Variants in DMD observed in about 807,000 individuals in gnomAD.
The protein encoded by DMD is mutant dystrophin.
DMD carries 63 observed loss-of-function variants against 330.1 expected under a neutral mutation model. The ratio of observed to expected loss-of-function variants is 0.19; its 90% CI spans 0.16 to 0.24. DMD has a LOEUF of 0.24. DMD is among the 10% of genes least tolerant of loss of function. The pLI is 1.00. For synonymous variants in DMD, 1,223 were observed against 959.8 expected (o/e 1.27, Z -5.07); for missense variants, 3,344 against 2,684.1 (o/e 1.25, Z -5.43).
chrX:33,034,445 T>A (rs950705070), intron 1 of DMD, among the ~76,000 whole-genome samples: 3 of 111,775 alleles, frequency 2.7e-5, no homozygotes, highest in Non-Finnish European at 3.8e-5. Context: ...TTTCCTCACC[T>A]GTAGAATAAT....
Position 32,216,928 on chromosome X carries a change from T to C in DMD, c.6426A>G (p.Lys2142=), listed in dbSNP as rs764358532. The change falls in exon 44 of 79, where the codon AAA becomes AAG. Residue 2142 remains lysine (K), a synonymous_variant. Transcript: ENST00000357033. ...IPENWEHAKY[K]WYLKELQDGI... Reference sequence around the variant, plus strand: ...ATCAAAGACTTACCTTAAGATACCATTTGTATTTAGCATGTTCCCAATTCT... The same window carrying C: ...ATCAAAGACTTACCTTAAGATACCACTTGTATTTAGCATGTTCCCAATTCT... 4.1e-6 allele frequency: 5 copies of C among 1,207,114 alleles called. No individual in the cohort carries two copies. The highest frequency in any genetic ancestry group is 2.2e-5 in the Admixed American group (1 of 45,557).
At chrX:31,269,715 A>C (rs2051469616) in intron 62 of DMD, among the ~76,000 whole-genome samples, 1 of 112,122 alleles carries the variant, frequency 8.9e-6, no homozygotes, top group Non-Finnish European at 1.9e-5. Flanking sequence ...AAAGAAGGCG[A>C]CCCAGTACAT....
intron 44 of DMD, among the ~76,000 whole-genome samples, chrX:32,201,471 C>CT (rs1252526467): frequency 3.3e-3 from 99 of 29,996 alleles, no homozygotes; most frequent in Admixed American, 4.8e-3. Flanking sequence ...ATTCAAACAC[C>CT]CCCCCCCCCC....
chrX:32,870,958 C>CAAAAA (rs745583714), intron 2 of DMD, among the ~76,000 whole-genome samples: 17 of 14,752 alleles, frequency 1.2e-3, no homozygotes, highest in African/African-American at 2.0e-3. Flanking sequence ...TTCTGTACAG[C>CAAAAA]AAAAAAAAAA....
intron 43 of DMD, among the ~76,000 whole-genome samples, chrX:32,224,924 T>C (rs112433474): frequency 0.014 from 1,594 of 111,835 alleles, 28 homozygotes; most frequent in African/African-American, 0.047. Context: ...CTTCACTTAT[T>C]GCATTCTGAA....
intron 74 of DMD, among the ~76,000 whole-genome samples, chrX:31,160,881 T>C (rs1268357550): frequency 9.0e-6 from 1 of 111,652 alleles, no homozygotes; most frequent in Admixed American, 9.5e-5. Context: ...CCCTTGGGAT[T>C]TGTTATAAAA....
At chrX:32,591,709 C>T (rs996616121) in intron 13 of DMD, among the ~76,000 whole-genome samples, 7 of 112,180 alleles carry the variant, frequency 6.2e-5, no homozygotes, top group African/African-American at 1.6e-4. Flanking sequence ...CAAGCAGGAG[C>T]GCTGCTCCCT....
chrX:33,061,334 T>G (rs2094579647), intron 1 of DMD, among the ~76,000 whole-genome samples: 1 of 112,301 alleles, frequency 8.9e-6, no homozygotes, highest in Non-Finnish European at 1.9e-5. Context: ...TTTTAGCTTT[T>G]TATACACAGA....
intron 60 of DMD, among the ~76,000 whole-genome samples, chrX:31,394,782 A>G (rs755128428): frequency 5.4e-5 from 6 of 111,758 alleles, no homozygotes; most frequent in Admixed American, 9.5e-5. Context: ...CCACGGAGCG[A>G]GACTCTGTCT....
At chrX:31,330,915 GTTAAA>G (rs1172711542) in intron 61 of DMD, among the ~76,000 whole-genome samples, 1 of 111,672 alleles carries the variant, frequency 9.0e-6, no homozygotes, top group Non-Finnish European at 1.9e-5. Flanking sequence ...TTTTCAAAAC[GTTAAA>G]TTAAAATAAG....
chrX:32,003,390 CG>C (rs996639551), intron 44 of DMD, among the ~76,000 whole-genome samples: 1 of 111,827 alleles, frequency 8.9e-6, no homozygotes, highest in Non-Finnish European at 1.9e-5. Flanking sequence ...CTGGAAAATA[CG>C]GGCTCCTCAA....
intron 44 of DMD, among the ~76,000 whole-genome samples, chrX:31,998,980 C>T (rs2095607729): frequency 9.0e-6 from 1 of 111,496 alleles, no homozygotes; most frequent in African/African-American, 3.3e-5. Flanking sequence ...CAATTCATCT[C>T]ATCACTTTCA....
At position 32,287,542 on chromosome X, in the gene DMD, T is replaced by C. The variant is rs1317673864; in HGVS notation, c.6277A>G (p.Lys2093Glu). ...TGTGTTACCTACCCTTGTCGGTCCT[T>C]GTACATTTTGTTAACTTTTTCCCAT... The part of the protein sequence containing the change: ...FQWEKVNKMY[K>E]DRQGRFDRSV... The change falls in exon 43 of 79, where the codon AAG becomes GAG. Residue 2093 changes from lysine to glutamate, a missense_variant. Transcript: ENST00000357033. 1.7e-6 allele frequency: 2 copies of C among 1,210,717 alleles called. No individual in the cohort carries two copies. The highest frequency in any genetic ancestry group is 2.2e-6 in the Non-Finnish European group (2 of 894,844).
intron 62 of DMD, among the ~76,000 whole-genome samples, chrX:31,307,111 G>T (rs1338314700): frequency 9.0e-6 from 1 of 111,129 alleles, no homozygotes; most frequent in African/African-American, 3.3e-5. Context: ...TTACACATCA[G>T]GACTTTTAGG....
At chrX:32,832,659 G>A (rs1364636225) in intron 4 of DMD, among the ~76,000 whole-genome samples, 1 of 111,514 alleles carries the variant, frequency 9.0e-6, no homozygotes, top group African/African-American at 3.2e-5. Context: ...TACAGGAAAG[G>A]CAAAGTAGTT....
chrX:31,690,876 C>A (rs1366911826), intron 52 of DMD, among the ~76,000 whole-genome samples: 1 of 110,818 alleles, frequency 9.0e-6, no homozygotes, highest in East Asian at 2.8e-4. Flanking sequence ...GGACAGAAAA[C>A]CAAACACCGC....
intron 2 of DMD, among the ~76,000 whole-genome samples, chrX:32,915,547 C>T (rs749679136): frequency 1.1e-4 from 12 of 110,848 alleles, no homozygotes; most frequent in Admixed American, 7.7e-4. Context: ...GAATGTTAAG[C>T]GAAGGCTAAA....
chrX:31,599,982 G>A (rs2077269702), intron 55 of DMD, among the ~76,000 whole-genome samples: 1 of 111,324 alleles, frequency 9.0e-6, no homozygotes, highest in African/African-American at 3.3e-5. Context: ...CCAGGCTGGA[G>A]TGCAGTTGTG....
intron 7 of DMD, among the ~76,000 whole-genome samples, chrX:32,716,288 G>A (rs1047171150): frequency 2.6e-4 from 29 of 110,782 alleles, no homozygotes; most frequent in Non-Finnish European, 1.1e-4. Context: ...TTTCCCAGTT[G>A]CTGTTCTCAT....
Sources: gnomAD v4.1 joint callset for allele counts (sites outside exome capture counted in the v4.1 genomes callset) on GRCh38, gnomAD v4.1.1 for gene constraint, MANE v1.5 for transcripts, NCBI Gene and HGNC (gene_info 2026-07-23, HGNC 2026-07-21) for gene names.